The following DUSP11 variants were observed in gnomAD, a reference collection of about 807,000 sequenced individuals.
The protein encoded by DUSP11 is RNA/RNP complex-1-interacting phosphatase.
A neutral mutation model predicts 41.4 loss-of-function variants in DUSP11; 27 were observed. The ratio of observed to expected loss-of-function variants is 0.65; its 90% CI spans 0.48 to 0.90. The LOEUF is 0.90. Among genes scored for constraint, DUSP11 ranks in the 40% least tolerant of loss-of-function variants. DUSP11 has a pLI of 0.00. For synonymous variants in DUSP11, 188 were observed against 159.3 expected (o/e 1.18, Z -1.35); for missense variants, 465 against 461.1 (o/e 1.01, Z -0.08).
At chr2:73,768,315 T>G (rs932221162) in intron 5 of DUSP11, 7 of 289,224 alleles carry the variant, frequency 2.4e-5, no homozygotes, top group Admixed American at 6.5e-5. Flanking sequence ...GGCATTTGTG[T>G]GATTCTTTAA....
intron 4 of DUSP11, among the ~76,000 whole-genome samples, chr2:73,771,500 C>T (rs1305126672): frequency 1.4e-5 from 2 of 146,392 alleles, no homozygotes; most frequent in Admixed American, 6.8e-5. Flanking sequence ...CTTTTTTGTT[C>T]TTTTTTTTTT....
At chr2:73,779,743 A>G in intron 1 of DUSP11, 131 bp downstream of exon 1, 1 of 1,415,198 alleles carries the variant, frequency 7.1e-7, no homozygotes, top group Non-Finnish European at 9.6e-7. Flanking sequence ...AGAGGGTCAA[A>G]GCCTCAAAGC....
intron 8 of DUSP11, among the ~76,000 whole-genome samples, chr2:73,765,535 C>G (rs1156553446): frequency 1.3e-5 from 2 of 152,022 alleles, no homozygotes; most frequent in Non-Finnish European, 2.9e-5. Flanking sequence ...AATAAAAAAG[C>G]TCCTCCTCCC....
At chr2:73,764,732 C>T (rs920592880) in intron 8 of DUSP11, among the ~76,000 whole-genome samples, 13 of 152,192 alleles carry the variant, frequency 8.5e-5, no homozygotes, top group Admixed American at 7.2e-4. Context: ...TTTGGGAGGC[C>T]GAGGCAGGCA....
At position 73,762,878 on chromosome 2, in the gene DUSP11, G is replaced by C. The variant is rs1212172149; in HGVS notation, c.936-19C>G. ...AAATTTTCTTAAAGCAAAACAAAAA[G>C]TAATAAGCCATTACTAGGATTAATA... On this transcript the variant is annotated intron_variant, in intron 8 of 8. Transcript: ENST00000272444. The C allele has an allele frequency of 7.0e-7, 1 of 1,420,574 alleles. No homozygotes were observed. Among genetic ancestry groups the C allele is most frequent in the African/African-American group, 1.4e-5 (1 of 70,786 alleles). The allele number at this position is 1,420,574 out of a possible 1,614,324, so 88.0% of individuals were successfully genotyped here. A position where few individuals can be genotyped will look rare whatever the true frequency, so the allele number is the denominator to read the frequency against.
intron 8 of DUSP11, among the ~76,000 whole-genome samples, chr2:73,766,048 G>A (rs1479839776): frequency 2.0e-5 from 3 of 152,174 alleles, no homozygotes; most frequent in Non-Finnish European, 4.4e-5. Flanking sequence ...GGTGGCTCAC[G>A]CCTATAATCC....
chr2:73,770,442 G>C (rs1672551929), intron 4 of DUSP11, among the ~76,000 whole-genome samples: 1 of 151,390 alleles, frequency 6.6e-6, no homozygotes, highest in Admixed American at 6.6e-5. Context: ...TTGAACCCAG[G>C]AGACGGAGGT....
intron 4 of DUSP11, among the ~76,000 whole-genome samples, chr2:73,771,489 T>C (rs963103310): frequency 1.1e-4 from 16 of 151,896 alleles, no homozygotes; most frequent in African/African-American, 2.4e-4. Flanking sequence ...TGATGAACTG[T>C]CTTTTTTGTT....
At chr2:73,775,991 T>C (rs1672677083) in intron 2 of DUSP11, among the ~76,000 whole-genome samples, 1 of 151,896 alleles carries the variant, frequency 6.6e-6, no homozygotes, top group South Asian at 2.1e-4. Flanking sequence ...ATTTCTCACA[T>C]GTCTACATAT....
chr2:73,762,910 T>C, intron 8 of DUSP11, 51 bp from the exon 9 acceptor site: 14 of 714,310 alleles, frequency 2.0e-5, no homozygotes, highest in Non-Finnish European at 2.6e-5. Flanking sequence ...AATACAATAA[T>C]TTTTATTTAT....
chr2:73,777,390 G>C (rs889564089), intron 2 of DUSP11, among the ~76,000 whole-genome samples: 1 of 152,198 alleles, frequency 6.6e-6, no homozygotes, highest in African/African-American at 2.4e-5. Context: ...TTTCAAGTAG[G>C]CTTCTCCTGA....
chr2:73,779,254 CAG>C (rs1442765595), intron 1 of DUSP11, among the ~76,000 whole-genome samples: 1 of 152,124 alleles, frequency 6.6e-6, no homozygotes, highest in African/African-American at 2.4e-5. Context: ...AGGGTACTGA[CAG>C]AAAGTGACAG....
At chr2:73,766,646 C>A in intron 7 of DUSP11, 52 bp from the exon 8 acceptor site, 1 of 1,534,786 alleles carries the variant, frequency 6.5e-7, no homozygotes, top group South Asian at 1.2e-5. Flanking sequence ...ATTTAGTAGT[C>A]AATTTAGTGA....
chr2:73,775,936 C>T (rs1311816817), intron 2 of DUSP11, among the ~76,000 whole-genome samples: 3 of 147,966 alleles, frequency 2.0e-5, no homozygotes, highest in African/African-American at 7.5e-5. Context: ...TGATCTCAAA[C>T]TCCTGAGCTC....
chr2:73,765,381 G>C (rs1672442043), intron 8 of DUSP11, among the ~76,000 whole-genome samples: 1 of 152,186 alleles, frequency 6.6e-6, no homozygotes, highest in African/African-American at 2.4e-5. Flanking sequence ...CTTCAGCCTT[G>C]GATTGAGAGT....
rs1672478502 is a variant in DUSP11, at chr2:73,766,994, G to C, written c.683-91C>G. 3.1e-6 allele frequency: 4 copies of C among 1,279,672 alleles called. No homozygotes were observed. In the East Asian group the frequency reaches 9.3e-5, roughly 30 times the overall value. The allele number at this position is 1,279,672 out of a possible 1,614,324, so 79.3% of individuals were successfully genotyped here. Reference sequence around the variant, plus strand: ...TAAGCTGAAATTCACTATTCAAGCTGTTATATCTCACTACTTCCACATACA... The same window carrying C: ...TAAGCTGAAATTCACTATTCAAGCTCTTATATCTCACTACTTCCACATACA... On this transcript the variant is annotated intron_variant, in intron 6 of 8. Transcript: ENST00000272444.
At chr2:73,768,606 A>G in intron 5 of DUSP11, 1 of 985,472 alleles carries the variant, frequency 1.0e-6, no homozygotes, top group Non-Finnish European at 1.2e-6. Flanking sequence ...TATAATATCA[A>G]AAACTTCTGA....
At chr2:73,780,039 A>G (rs781491313) in exon 1 of DUSP11, 5 of 1,613,504 alleles carry the variant, frequency 3.1e-6, no homozygotes, top group African/African-American at 1.3e-5. Context: ...GGCGCCCTCA[A>G]TGCCAGGATA....
chr2:73,764,989 T>C (rs1672431158), intron 8 of DUSP11, among the ~76,000 whole-genome samples: 1 of 152,196 alleles, frequency 6.6e-6, no homozygotes, highest in Non-Finnish European at 1.5e-5. Flanking sequence ...AACAAAACTG[T>C]TGCTAAATTA....
Sources: gnomAD v4.1 joint callset for allele counts (sites outside exome capture counted in the v4.1 genomes callset) on GRCh38, gnomAD v4.1.1 for gene constraint, MANE v1.5 for transcripts, NCBI Gene and HGNC (gene_info 2026-07-23, HGNC 2026-07-21) for gene names.